Variants in CTNNA3 observed in about 807,000 individuals in gnomAD.
The protein encoded by CTNNA3 is catenin alpha 3.
CTNNA3 carries 76 observed loss-of-function variants against 95.7 expected under a neutral mutation model. The observed-to-expected ratio is 0.79, with a 90% confidence interval of 0.66 to 0.96. CTNNA3 has a LOEUF of 0.96. CTNNA3 is among the 40% of genes least tolerant of loss of function. The pLI is 0.00. For synonymous variants in CTNNA3, 431 were observed against 374.4 expected, an observed-to-expected ratio of 1.15 and a Z score of -1.74; for missense variants, 1,191 against 1,089.8, an observed-to-expected ratio of 1.09 and a Z score of -1.31.
intron 7 of CTNNA3, among the ~76,000 whole-genome samples, chr10:67,051,443 T>TG (rs1284457696): frequency 3.6e-5 from 4 of 111,270 alleles, no homozygotes; most frequent in Non-Finnish European, 7.0e-5. Flanking sequence ...CTTACACATC[T>TG]TTTTTCTTTT....
chr10:66,698,536 C>A (rs1847841721), intron 9 of CTNNA3, among the ~76,000 whole-genome samples: 1 of 152,184 alleles, frequency 6.6e-6, no homozygotes, highest in Non-Finnish European at 1.5e-5. Context: ...GGGCAGACTC[C>A]TGCTTAAGAT....
intron 9 of CTNNA3, among the ~76,000 whole-genome samples, chr10:66,667,190 A>ATT (rs10639825): frequency 0.63 from 94,050 of 150,464 alleles, 29,971 homozygotes; most frequent in East Asian, 0.78. Context: ...AAGAGTAGTA[A>ATT]TTTTTTTTTT....
At chr10:66,444,472 T>C (rs1589259334) in intron 11 of CTNNA3, among the ~76,000 whole-genome samples, 1 of 152,126 alleles carries the variant, frequency 6.6e-6, no homozygotes. Flanking sequence ...TAACAGTAGA[T>C]CTCTTGGCAA....
intron 14 of CTNNA3, among the ~76,000 whole-genome samples, chr10:66,095,563 AT>A: frequency 6.6e-6 from 1 of 152,242 alleles, no homozygotes; most frequent in African/African-American, 2.4e-5. Context: ...GCCTGTTAAA[AT>A]GTTTTTAATT....
chr10:66,981,499 T>A (rs1453757394), intron 7 of CTNNA3, among the ~76,000 whole-genome samples: 1 of 152,202 alleles, frequency 6.6e-6, no homozygotes, highest in Non-Finnish European at 1.5e-5. Context: ...CCTCAGTATC[T>A]TTCTCCTCCT....
intron 7 of CTNNA3, chr10:66,926,212 C>T (rs1028182404): frequency 2.2e-6 from 1 of 449,988 alleles, no homozygotes; most frequent in African/African-American, 2.0e-5. Flanking sequence ...CCCCAAATTG[C>T]CTGGAAGAAT....
intron 13 of CTNNA3, among the ~76,000 whole-genome samples, chr10:66,192,646 C>T (rs538733699): frequency 2.4e-4 from 37 of 152,270 alleles, no homozygotes; most frequent in Admixed American, 1.2e-3. Context: ...AGTTTCACTA[C>T]CCTGTGCTTT....
chr10:65,972,909 A>G lies in CTNNA3; in HGVS notation c.2266-6163T>C, dbSNP rs866131243. On this transcript the variant is annotated intron_variant, in intron 16 of 17. Coordinates refer to ENST00000433211, the MANE Select transcript of CTNNA3 (RefSeq NM_013266.4). ...AGACAAGCAATCCTAAGGGGGAAAA[A>G]AAAAAAAAAAAAAGAAGCCAGAGGC... Among the ~76,000 whole-genome samples the G allele has an allele frequency of 3.0e-3, 455 of 150,772 alleles. 4 individuals are homozygous for G. Among genetic ancestry groups the G allele is most frequent in the African/African-American group, 0.01 (429 of 40,864 alleles).
intron 5 of CTNNA3, among the ~76,000 whole-genome samples, chr10:67,464,920 G>C (rs1429052459): frequency 6.6e-6 from 1 of 151,492 alleles, no homozygotes; most frequent in Non-Finnish European, 1.5e-5. Flanking sequence ...CTTCTTAGAG[G>C]CTTCGGGGGA....
At chr10:66,577,340 T>C (rs186769927) in intron 10 of CTNNA3, among the ~76,000 whole-genome samples, 2 of 152,154 alleles carry the variant, frequency 1.3e-5, no homozygotes, top group East Asian at 3.9e-4. Flanking sequence ...ATTAGGTCCT[T>C]CTTGTCAATT....
In CTNNA3 at chr10:66,354,828, C is replaced by T. The variant is rs116764986; in HGVS notation, c.1732+24324G>A. Reference sequence around the variant, plus strand: ...TTGTACATCATAGCATCTCACCACCCAGCATAGTGCCTGATGCATAATAAT... The same window carrying T: ...TTGTACATCATAGCATCTCACCACCTAGCATAGTGCCTGATGCATAATAAT... On this transcript the variant is annotated intron_variant, in intron 12 of 17. Coordinates refer to ENST00000433211, the MANE Select transcript of CTNNA3 (RefSeq NM_013266.4). Among the ~76,000 whole-genome samples the T allele has an allele frequency of 6.7e-3, 1,013 of 152,082 alleles. 9 individuals are homozygous for T. The highest frequency in any genetic ancestry group is 0.022 in the African/African-American group (917 of 41,516).
intron 11 of CTNNA3, among the ~76,000 whole-genome samples, chr10:66,413,084 C>G (rs917281763): frequency 6.6e-6 from 1 of 152,030 alleles, no homozygotes; most frequent in Non-Finnish European, 1.5e-5. Context: ...AAACAGGATA[C>G]AACTTATGAG....
intron 7 of CTNNA3, among the ~76,000 whole-genome samples, chr10:66,872,689 T>TA (rs1554868726): frequency 6.6e-6 from 1 of 151,516 alleles, no homozygotes; most frequent in African/African-American, 2.4e-5. Flanking sequence ...ATAATAATAA[T>TA]AATAATTTCA....
At chr10:66,825,280 TATA>T (rs1311252324) in intron 7 of CTNNA3, among the ~76,000 whole-genome samples, 3 of 129,460 alleles carry the variant, frequency 2.3e-5, no homozygotes, top group South Asian at 2.9e-4. Context: ...CATATATATA[TATA>T]TTTTTTTTTT....
intron 13 of CTNNA3, among the ~76,000 whole-genome samples, chr10:66,152,081 A>G (rs145836597): frequency 4.0e-4 from 61 of 152,088 alleles, no homozygotes; most frequent in African/African-American, 1.4e-3. Context: ...ATGACAAATT[A>G]TTTTTACATA....
chr10:65,933,510 A>C (rs1452876838), intron 17 of CTNNA3, among the ~76,000 whole-genome samples: 1 of 152,178 alleles, frequency 6.6e-6, no homozygotes, highest in African/African-American at 2.4e-5. Context: ...TACTCATAAG[A>C]AATGTGTTCT....
intron 13 of CTNNA3, among the ~76,000 whole-genome samples, chr10:66,211,939 A>G (rs1215908524): frequency 1.4e-5 from 2 of 146,492 alleles, no homozygotes; most frequent in Non-Finnish European, 3.0e-5. Flanking sequence ...ACTTTTGTGC[A>G]TGTCTAACAT....
At chr10:66,217,250 A>G (rs909874587) in intron 13 of CTNNA3, among the ~76,000 whole-genome samples, 17 of 151,136 alleles carry the variant, frequency 1.1e-4, no homozygotes, top group African/African-American at 4.1e-4. Context: ...GCTACTTGGG[A>G]GGCTGAGGCA....
chr10:66,479,625 T>C (rs1041274507), intron 11 of CTNNA3, among the ~76,000 whole-genome samples: 26 of 152,022 alleles, frequency 1.7e-4, no homozygotes, highest in African/African-American at 6.3e-4. Context: ...TGTATTAAAA[T>C]TGTGAATCAT....
Sources: gnomAD v4.1 joint callset for allele counts (sites outside exome capture counted in the v4.1 genomes callset) on GRCh38, gnomAD v4.1.1 for gene constraint, MANE v1.5 for transcripts, NCBI Gene and HGNC (gene_info 2026-07-23, HGNC 2026-07-21) for gene names.